Variants in ACOT11 observed in about 807,000 individuals in gnomAD.
The protein encoded by ACOT11 is acyl-coenzyme A thioesterase 11.
A neutral mutation model predicts 77.5 loss-of-function variants in ACOT11; 69 were observed. That is an observed-to-expected ratio of 0.89 (90% CI 0.73 to 1.09). The LOEUF (loss-of-function observed/expected upper bound fraction) is 1.09, where lower values mean the gene tolerates loss of function less well. Ranked by LOEUF, ACOT11 falls within the 50% of genes least tolerant of loss-of-function variation. ACOT11 has a pLI of 0.00. For missense variants in ACOT11, 766 were observed against 813.7 expected (o/e 0.94, Z 0.71); for synonymous variants, 279 against 313.0 (o/e 0.89, Z 1.15).
At chr1:54,566,546 A>G (rs1270220628) in intron 1 of ACOT11, among the ~76,000 whole-genome samples, 1 of 152,120 alleles carries the variant, frequency 6.6e-6, no homozygotes, top group Non-Finnish European at 1.5e-5. Flanking sequence ...CTGTGTAACA[A>G]ACTACCCCGA....
chr1:54,603,751 A>C, intron 10 of ACOT11, 120 bp from the exon 11 acceptor site: 1 of 901,616 alleles, frequency 1.1e-6, no homozygotes, highest in Non-Finnish European at 1.8e-6. Context: ...CTACCCAGAC[A>C]GGAGTCTCCC....
At chr1:54,555,330 A>G (rs1653222637) in intron 1 of ACOT11, among the ~76,000 whole-genome samples, 1 of 152,188 alleles carries the variant, frequency 6.6e-6, no homozygotes, top group African/African-American at 2.4e-5. Flanking sequence ...TTGCATTTCC[A>G]TGATGATTAG....
At chr1:54,602,815 C>T in intron 10 of ACOT11, 91 bp downstream of exon 10, 6 of 1,347,120 alleles carry the variant, frequency 4.5e-6, no homozygotes, top group Non-Finnish European at 5.9e-6. Flanking sequence ...TCAGAGCTGC[C>T]TGTGCGTTGG....
chr1:54,629,820 A>G (rs1490233313), intron 15 of ACOT11, among the ~76,000 whole-genome samples: 1 of 134,158 alleles, frequency 7.5e-6, no homozygotes, highest in African/African-American at 2.5e-5. Flanking sequence ...GACTCAATCC[A>G]TCCTCCTACC....
At chr1:54,575,690 A>C (rs1262149803) in intron 1 of ACOT11, among the ~76,000 whole-genome samples, 1 of 152,234 alleles carries the variant, frequency 6.6e-6, no homozygotes, top group Non-Finnish European at 1.5e-5. Flanking sequence ...GTGTCAATCA[A>C]ATTCTCCCAC....
At chr1:54,606,278 T>C (rs1569765141) in intron 13 of ACOT11, among the ~76,000 whole-genome samples, 1 of 149,948 alleles carries the variant, frequency 6.7e-6, no homozygotes, top group African/African-American at 2.5e-5. Context: ...GAGGCTGGGG[T>C]GGGCCTTGAA....
At chr1:54,620,234 G>T (rs1345994186) in intron 15 of ACOT11, among the ~76,000 whole-genome samples, 1 of 152,212 alleles carries the variant, frequency 6.6e-6, no homozygotes, top group Non-Finnish European at 1.5e-5. Flanking sequence ...AAGGGGGCAG[G>T]TTCACAGAGA....
chr1:54,567,184 C>T (rs1653762557), intron 1 of ACOT11, among the ~76,000 whole-genome samples: 1 of 152,012 alleles, frequency 6.6e-6, no homozygotes, highest in South Asian at 2.1e-4. Flanking sequence ...CTTATTTCTA[C>T]ACTGATCTCC....
chr1:54,623,649 A>C, intron 15 of ACOT11: 1 of 420,200 alleles, frequency 2.4e-6, no homozygotes, highest in Non-Finnish European at 4.3e-6. Flanking sequence ...CCATATCTAA[A>C]ATGACCTTTG....
At chr1:54,619,942 T>C (rs1454075764) in intron 15 of ACOT11, 2 of 1,614,128 alleles carry the variant, frequency 1.2e-6, no homozygotes, top group South Asian at 1.1e-5. Context: ...CGCCGGCTGA[T>C]CTGGCCCAGG....
chr1:54,551,334 C>G (rs941332586), intron 1 of ACOT11, among the ~76,000 whole-genome samples: 2 of 152,000 alleles, frequency 1.3e-5, no homozygotes, highest in South Asian at 2.1e-4. Context: ...GCTCTGGTCC[C>G]TACTCGCCCC....
chr1:54,581,051 G>C (rs970274245), intron 1 of ACOT11, among the ~76,000 whole-genome samples: 5 of 152,202 alleles, frequency 3.3e-5, no homozygotes, highest in African/African-American at 1.2e-4. Context: ...GTCCTGAGCA[G>C]GGGAAGTGCC....
Position 54,584,653 on chromosome 1 carries a change from A to G in ACOT11, c.34-2A>G, listed in dbSNP as rs1192753752. ...CCCCACCTGTCCCCACCTGTACCCCAGGGCTTGGCCTCTGTGTTCTCCAAC... is the reference window on the plus strand; with the variant it reads ...CCCCACCTGTCCCCACCTGTACCCCGGGGCTTGGCCTCTGTGTTCTCCAAC... On this transcript the variant is annotated splice_acceptor_variant, in intron 1 of 15. Transcript: ENST00000343744. LOFTEE classifies it high-confidence loss of function. The surrounding 1 kb of genome is among the most constrained non-coding windows in gnomAD (Gnocchi z 6.3). 8.7e-6 allele frequency: 14 copies of G among 1,613,664 alleles called. No individual in the cohort carries two copies. In the East Asian group the frequency reaches 3.1e-4, roughly 36 times the overall value.
In ACOT11 at chr1:54,600,636, T is replaced by C. The variant is rs575872619; in HGVS notation, c.885-633T>C. Among the ~76,000 whole-genome samples, 55 of 152,304 alleles carry C rather than the reference T, an allele frequency of 3.6e-4. 1 individual carries two copies. In the South Asian group the frequency reaches 0.011, roughly 30 times the overall value. ...AGGCGGAGGTTGCAGTGAGCCAAGA[T>C]TGTACCACTGTACTCCAGCCTGGGC... On this transcript the variant is annotated intron_variant, in intron 8 of 15. Transcript: ENST00000343744.
downstream of ACOT11, chr1:54,610,718 G>T: frequency 3.1e-6 from 3 of 980,066 alleles, no homozygotes; most frequent in Non-Finnish European, 3.6e-6. Context: ...TAGAAGAAGT[G>T]ACTTGCCCAA....
At chr1:54,554,682 G>A (rs1409014015) in intron 1 of ACOT11, among the ~76,000 whole-genome samples, 4 of 151,872 alleles carry the variant, frequency 2.6e-5, no homozygotes, top group Non-Finnish European at 4.4e-5. Context: ...TCATCCACTG[G>A]TGGACACTTA....
intron 15 of ACOT11, among the ~76,000 whole-genome samples, chr1:54,622,818 G>A (rs1644243059): frequency 7.3e-6 from 1 of 136,286 alleles, no homozygotes; most frequent in Non-Finnish European, 1.5e-5. Flanking sequence ...TGTAGGGTTG[G>A]GGGATGGAAG....
intron 1 of ACOT11, among the ~76,000 whole-genome samples, chr1:54,555,722 GT>G (rs1182407098): frequency 6.6e-6 from 1 of 151,562 alleles, no homozygotes; most frequent in Non-Finnish European, 1.5e-5. Context: ...GTACATTTAA[GT>G]CTTTAACTCA....
At chr1:54,567,951 C>A (rs1018101343) in intron 1 of ACOT11, among the ~76,000 whole-genome samples, 10 of 152,180 alleles carry the variant, frequency 6.6e-5, no homozygotes, top group Non-Finnish European at 1.3e-4. Flanking sequence ...TCCAGTTCTT[C>A]CCCTCACACT....
Sources: gnomAD v4.1 joint callset for allele counts (sites outside exome capture counted in the v4.1 genomes callset) on GRCh38, gnomAD v4.1.1 for gene constraint, Gnocchi (gnomAD v3.1) non-coding constraint, MANE v1.5 for transcripts, NCBI Gene and HGNC (gene_info 2026-07-23, HGNC 2026-07-21) for gene names.